Variants in ANGPT2 observed in about 807,000 individuals in gnomAD.
ANGPT2 encodes the protein angiopoietin 2, also known as angiopoietin-2.
ANGPT2 carries 28 observed loss-of-function variants against 62.9 expected under a neutral mutation model. The ratio of observed to expected loss-of-function variants is 0.44; its 90% CI spans 0.33 to 0.61. ANGPT2 has a LOEUF of 0.61. ANGPT2 is among the 20% of genes least tolerant of loss of function. The pLI is 0.03. For missense variants in ANGPT2, 727 were observed against 594.9 expected (o/e 1.22, Z -2.31); for synonymous variants, 284 against 207.8 (o/e 1.37, Z -3.15).
At chr8:6,541,187 G>A (rs889583694) in intron 1 of ANGPT2, among the ~76,000 whole-genome samples, 1 of 152,184 alleles carries the variant, frequency 6.6e-6, no homozygotes, top group African/African-American at 2.4e-5. Context: ...AGCACAAGAG[G>A]GTGAATTCTG....
At chr8:6,541,074 A>T (rs988771470) in intron 1 of ANGPT2, among the ~76,000 whole-genome samples, 2 of 152,210 alleles carry the variant, frequency 1.3e-5, no homozygotes, top group Non-Finnish European at 1.5e-5. Context: ...CTTGGAGCCA[A>T]CGTCCCTAGG....
At chr8:6,538,234 C>T (rs987821999) in intron 1 of ANGPT2, among the ~76,000 whole-genome samples, 2 of 152,070 alleles carry the variant, frequency 1.3e-5, no homozygotes, top group African/African-American at 4.8e-5. Context: ...TACTGTTGCC[C>T]ACTTCTATTT....
chr8:6,544,625 C>G (rs1822211617), intron 1 of ANGPT2, among the ~76,000 whole-genome samples: 1 of 152,134 alleles, frequency 6.6e-6, no homozygotes. Context: ...ACATGCACAA[C>G]TTGGCCATGA....
chr8:6,540,881 G>A (rs889718274), intron 1 of ANGPT2, among the ~76,000 whole-genome samples: 11 of 152,250 alleles, frequency 7.2e-5, no homozygotes, highest in African/African-American at 2.4e-4. Flanking sequence ...GCGCTGGCTG[G>A]TAAGAAGCCC....
chr8:6,557,714 C>CACACACAT (rs972904886), intron 1 of ANGPT2, among the ~76,000 whole-genome samples: 15 of 150,690 alleles, frequency 1.0e-4, no homozygotes, highest in Non-Finnish European at 2.2e-4. Context: ...CACACACACA[C>CACACACAT]ATACATATAT....
At position 6,500,304 on chromosome 8, in the gene ANGPT2, GAT is replaced by G. The variant is rs1362257192; in HGVS notation, c.*2795_*2796del. Reference sequence around the variant, plus strand: ...AAAGATTATGGCTTGCTGGTGCTGTGATAACAGTATTTATATTTTTATGGCTT... The same window carrying G: ...AAAGATTATGGCTTGCTGGTGCTGTGAACAGTATTTATATTTTTATGGCTT... On this transcript the variant is annotated 3_prime_UTR_variant, in exon 9 of 9. Coordinates refer to ENST00000629816, the MANE Select transcript of ANGPT2 (RefSeq NM_001118887.2). 5.4e-6 allele frequency: 1 copy of G among 186,642 alleles called. No homozygotes were observed. The highest frequency in any genetic ancestry group is 2.4e-5 in the African/African-American group (1 of 42,240). The allele number at this position is 186,642 out of a possible 1,614,324, so 11.6% of individuals were successfully genotyped here.
At chr8:6,553,610 C>G (rs959190799) in intron 1 of ANGPT2, among the ~76,000 whole-genome samples, 1 of 152,070 alleles carries the variant, frequency 6.6e-6, no homozygotes, top group Non-Finnish European at 1.5e-5. Context: ...CATAGTTTGG[C>G]TAAATTCCTG....
At chr8:6,539,920 T>TA (rs1756971455) in intron 1 of ANGPT2, among the ~76,000 whole-genome samples, 1 of 152,208 alleles carries the variant, frequency 6.6e-6, no homozygotes, top group Admixed American at 6.5e-5. Flanking sequence ...TCTGATACTG[T>TA]ATCTAGATAA....
Position 6,505,436 on chromosome 8 carries a change from A to T in ANGPT2, c.1328-2175T>A. 2.5e-5 allele frequency among the ~76,000 whole-genome samples: 2 copies of T among 80,456 alleles called. 1 individual carries two copies. The highest frequency in any genetic ancestry group is 7.2e-4 in the South Asian group (2 of 2,772). 52.8% of individuals were successfully genotyped at this position (80,456 alleles called of 152,430 possible). On this transcript the variant is annotated intron_variant, in intron 8 of 8. Transcript: ENST00000629816. ...CTTTATATACATAAAGAATATATAT[A>T]TTCTTTATATACATATAGAATATAT...
chr8:6,557,001 C>G (rs1346841903), intron 1 of ANGPT2, among the ~76,000 whole-genome samples: 1 of 152,096 alleles, frequency 6.6e-6, no homozygotes, highest in Non-Finnish European at 1.5e-5. Flanking sequence ...ACTTGCATGG[C>G]TCCTGCCCCA....
In ANGPT2 at chr8:6,532,271, C is replaced by T. The variant is rs565609666; in HGVS notation, c.444+61G>A. On this transcript the variant is annotated intron_variant, in intron 2 of 8. Coordinates refer to ENST00000629816, the MANE Select transcript of ANGPT2 (RefSeq NM_001118887.2). ...ATGCCTTCATTGAGGAAGCTCCTGA[C>T]GCGACTGAGTGCTAGTCTCTAGCTG... is the stretch of plus-strand genomic sequence containing the variant. 1.3e-4 allele frequency: 204 copies of T among 1,595,332 alleles called. 1 individual carries two copies. The South Asian group carries it at 1.4e-3, about 11-fold the overall frequency.
Position 6,559,040 on chromosome 8 carries a change from A to G in ANGPT2, c.288+3607T>C, listed in dbSNP as rs77469838. Among the ~76,000 whole-genome samples the G allele has an allele frequency of 7.4e-3, 1,123 of 152,198 alleles. 13 individuals carry two copies. The highest frequency in any genetic ancestry group is 0.026 in the African/African-American group (1,090 of 41,514). On this transcript the variant is annotated intron_variant, in intron 1 of 8. Transcript: ENST00000629816. ...TATAGTAATACTAACACTGAGCACA[A>G]TCATATTTCACCACTCAGGATGTAG...
intron 1 of ANGPT2, among the ~76,000 whole-genome samples, chr8:6,554,573 A>G (rs1444223231): frequency 1.3e-5 from 2 of 152,194 alleles, no homozygotes; most frequent in Non-Finnish European, 2.9e-5. Context: ...GTATATTTTT[A>G]ATTTGGTTGT....
intron 1 of ANGPT2, among the ~76,000 whole-genome samples, chr8:6,553,947 ATCT>A (rs1162974107): frequency 2.0e-5 from 3 of 152,056 alleles, no homozygotes; most frequent in African/African-American, 4.8e-5. Flanking sequence ...CAAAATAGAA[ATCT>A]TCTGTGTGTA....
intron 1 of ANGPT2, among the ~76,000 whole-genome samples, chr8:6,552,828 AACTC>A (rs199865580): frequency 0.011 from 1,536 of 143,394 alleles, 6 homozygotes; most frequent in Non-Finnish European, 0.016. Flanking sequence ...TTTTTTTTTT[AACTC>A]ACTCATTAAG....
chr8:6,548,497 T>C (rs1002999055), intron 1 of ANGPT2, among the ~76,000 whole-genome samples: 4 of 152,152 alleles, frequency 2.6e-5, no homozygotes, highest in African/African-American at 7.2e-5. Flanking sequence ...GGGTTTTTCA[T>C]TGCAGCTTAC....
At position 6,501,410 on chromosome 8, in the gene ANGPT2, A is replaced by T. The variant is rs1477746404; in HGVS notation, c.*1691T>A. 2 of 152,210 alleles carry T rather than the reference A, an allele frequency of 1.3e-5. No homozygotes were observed. The highest frequency in any genetic ancestry group is 4.8e-5 in the African/African-American group (2 of 41,440). The allele number at this position is 152,210 out of a possible 1,614,324, so 9.4% of individuals were successfully genotyped here. ...TGATTCAGAAAAGAATATATGAGAA[A>T]TTGCCTTTAAATTATAAAGCTTTAC... On this transcript the variant is annotated 3_prime_UTR_variant, in exon 9 of 9. Transcript: ENST00000629816.
At chr8:6,555,820 T>C (rs2129575325) in intron 1 of ANGPT2, among the ~76,000 whole-genome samples, 1 of 152,348 alleles carries the variant, frequency 6.6e-6, no homozygotes, top group South Asian at 2.1e-4. Flanking sequence ...TTATACCAAT[T>C]GCACCAATTC....
rs1339483824 is a variant in ANGPT2 at position 6,513,635 on chromosome 8, A to C, written c.1196+43T>G. On this transcript the variant is annotated intron_variant, in intron 7 of 8. Coordinates refer to ENST00000629816, the MANE Select transcript of ANGPT2 (RefSeq NM_001118887.2). ...GGCGTGAGCCACCGTGCCCGGCCAC[A>C]AATCTTTTAATTTTTTCTTTCAATT... is the stretch of plus-strand genomic sequence containing the variant. 17 of 1,575,050 alleles carry C rather than the reference A, an allele frequency of 1.1e-5. 1 individual carries two copies. The highest frequency in any genetic ancestry group is 1.4e-5 in the Non-Finnish European group (16 of 1,158,942).
Sources: allele counts gnomAD v4.1 joint callset (sites outside exome capture counted in the v4.1 genomes callset), GRCh38; gene constraint gnomAD v4.1.1; transcripts MANE v1.5; gene names NCBI Gene and HGNC (gene_info 2026-07-23, HGNC 2026-07-21).